Variants in COL4A5 observed in about 807,000 individuals in gnomAD.
COL4A5 encodes the protein collagen alpha-5(IV) chain.
In COL4A5, 26 loss-of-function variants were observed where a neutral mutation model predicts 130.2. That is an observed-to-expected ratio of 0.20 (90% confidence interval 0.15 to 0.28). COL4A5 has a LOEUF of 0.28. Ranked by LOEUF, COL4A5 falls within the 10% of genes least tolerant of loss-of-function variation. The pLI is 1.00. For synonymous variants in COL4A5, 496 were observed against 439.6 expected, an observed-to-expected ratio of 1.13 and a Z score of -1.60; for missense variants, 1,131 against 1,344.3, an observed-to-expected ratio of 0.84 and a Z score of 2.48.
At chrX:108,589,460 G>T (rs1603287103) in intron 19 of COL4A5, among the ~76,000 whole-genome samples, 1 of 110,578 alleles carries the variant, frequency 9.0e-6, no homozygotes, top group Admixed American at 9.6e-5. Flanking sequence ...CAACAAATTT[G>T]AAAGGACTAA....
At chrX:108,459,715 A>C (rs1484618725) in intron 1 of COL4A5, among the ~76,000 whole-genome samples, 1 of 112,262 alleles carries the variant, frequency 8.9e-6, no homozygotes, top group Non-Finnish European at 1.9e-5. Context: ...TCTAGCAGAC[A>C]GCCTTTCATT....
chrX:108,450,024 G>A (rs780356122), intron 1 of COL4A5, among the ~76,000 whole-genome samples: 29 of 111,575 alleles, frequency 2.6e-4, no homozygotes, highest in East Asian at 5.6e-4. Flanking sequence ...AGTTGTATTC[G>A]TCATACTCTC....
intron 1 of COL4A5, among the ~76,000 whole-genome samples, chrX:108,502,337 G>A (rs970316414): frequency 1.1e-4 from 12 of 111,491 alleles, no homozygotes; most frequent in Non-Finnish European, 2.3e-4. Context: ...CCAGGCTGCA[G>A]TGCAATGGCG....
At chrX:108,603,796 G>C (rs1373321212) in intron 28 of COL4A5, among the ~76,000 whole-genome samples, 2 of 112,142 alleles carry the variant, frequency 1.8e-5, no homozygotes, top group Non-Finnish European at 3.8e-5. Context: ...ATTGGAGTGA[G>C]TCTTCTCAGA....
intron 1 of COL4A5, among the ~76,000 whole-genome samples, chrX:108,508,977 A>G (rs1203901417): frequency 1.8e-5 from 2 of 112,273 alleles, no homozygotes; most frequent in African/African-American, 6.5e-5. Context: ...GATCTAGGCA[A>G]TACCAATCTG....
chrX:108,593,001 A>G (rs1044164603), intron 21 of COL4A5, among the ~76,000 whole-genome samples: 5 of 111,225 alleles, frequency 4.5e-5, no homozygotes, highest in African/African-American at 1.6e-4. Context: ...AGATATATCT[A>G]TGTTCTTGTT....
chrX:108,614,186 G>C (rs58849076), intron 29 of COL4A5, among the ~76,000 whole-genome samples: 11,680 of 111,775 alleles, frequency 0.1, 1,299 homozygotes, highest in African/African-American at 0.34. Flanking sequence ...CATACTATAT[G>C]ATTGCATTTG....
intron 28 of COL4A5, among the ~76,000 whole-genome samples, chrX:108,604,831 T>C (rs1193137177): frequency 8.9e-6 from 1 of 112,308 alleles, no homozygotes; most frequent in East Asian, 2.8e-4. Flanking sequence ...ATATCAAAAC[T>C]TGCTGCTTCA....
At position 108,597,195 on chromosome X, in the gene COL4A5, G is replaced by A. The variant is rs1603289995; in HGVS notation, c.1587+127G>A. On this transcript the variant is annotated intron_variant, in intron 23 of 52. Coordinates refer to ENST00000328300, the MANE Select transcript of COL4A5 (RefSeq NM_033380.3). ...TTTTCCATTAAGTTGTACTTTGTTT[G>A]ATTCCTTGACTCTTCCTGACTCACA... 6.5e-6 allele frequency: 5 copies of A among 769,073 alleles called. No homozygotes were observed. In the East Asian group the frequency reaches 1.7e-4, roughly 27 times the overall value. The allele number at this position is 769,073 out of a possible 1,213,427, so 63.4% of individuals were successfully genotyped here.
chrX:108,479,743 T>C lies in COL4A5; in HGVS notation c.81+39537T>C, dbSNP rs746528418. On this transcript the variant is annotated intron_variant, in intron 1 of 52. Coordinates refer to ENST00000328300, the MANE Select transcript of COL4A5 (RefSeq NM_033380.3). ...CTTCCATTTGATGATGGATTGCTGC[T>C]GTGCATGACCACTTTATGGCTAGAT... is the stretch of plus-strand genomic sequence containing the variant. 6.3e-5 allele frequency among the ~76,000 whole-genome samples: 7 copies of C among 111,982 alleles called. No individual in the cohort carries two copies. In the South Asian group the frequency reaches 2.6e-3, roughly 42 times the overall value.
chrX:108,501,526 C>T (rs968439172), intron 1 of COL4A5, among the ~76,000 whole-genome samples: 4 of 111,576 alleles, frequency 3.6e-5, no homozygotes, highest in African/African-American at 9.8e-5. Context: ...CCTAGGCAAC[C>T]GATTGCTGAA....
chrX:108,495,640 C>T (rs779514508), intron 1 of COL4A5, among the ~76,000 whole-genome samples: 11 of 111,658 alleles, frequency 9.9e-5, no homozygotes, highest in Non-Finnish European at 1.7e-4. Flanking sequence ...ATAGACCTCC[C>T]TGAATGGGCA....
chrX:108,472,275 G>A (rs2064780440), intron 1 of COL4A5, among the ~76,000 whole-genome samples: 1 of 111,454 alleles, frequency 9.0e-6, no homozygotes, highest in African/African-American at 3.3e-5. Context: ...GTGTCTTAGA[G>A]AATGTTACAT....
At chrX:108,495,258 A>T (rs763940210) in intron 1 of COL4A5, among the ~76,000 whole-genome samples, 1 of 111,412 alleles carries the variant, frequency 9.0e-6, no homozygotes, top group African/African-American at 3.3e-5. Context: ...AGAAAACAAT[A>T]AAACGTTTAG....
chrX:108,674,750 C>G lies in COL4A5; in HGVS notation c.3805C>G (p.Gln1269Glu). ...GTGAACTCTGATCTTCCCAGGTTTTCAAGGTTAGACTCTTCACTGGTCAAT... is the reference window on the plus strand; with the variant it reads ...GTGAACTCTGATCTTCCCAGGTTTTGAAGGTTAGACTCTTCACTGGTCAAT... ...PPGRPGPTGFQGLPGPEGPPG... is the reference protein window; with the variant it reads ...PPGRPGPTGFEGLPGPEGPPG... Residue 1269 changes from glutamine (Q) to glutamate (E), a missense_variant, in exon 43 of 53, where the codon CAA becomes GAA. Gln to Glu is a conservative substitution (Grantham distance 29, BLOSUM62 2). Coordinates refer to ENST00000328300, the MANE Select transcript of COL4A5 (RefSeq NM_033380.3). 1 of 1,155,200 alleles carries G rather than the reference C, an allele frequency of 8.7e-7. No homozygotes were observed. The highest frequency in any genetic ancestry group is 3.1e-5 in the East Asian group (1 of 32,295).
At chrX:108,514,122 A>G (rs1250052161) in intron 1 of COL4A5, among the ~76,000 whole-genome samples, 1 of 112,123 alleles carries the variant, frequency 8.9e-6, no homozygotes, top group Non-Finnish European at 1.9e-5. Flanking sequence ...CACCGTCTTA[A>G]TTACTGTACC....
chrX:108,546,432 T>C (rs1404442001), intron 2 of COL4A5, among the ~76,000 whole-genome samples: 1 of 112,158 alleles, frequency 8.9e-6, no homozygotes, highest in Non-Finnish European at 1.9e-5. Flanking sequence ...TGTTGAATAT[T>C]GGCCCCCACT....
chrX:108,473,633 A>ATATTTT lies in COL4A5; in HGVS notation c.81+33428_81+33429insATTTTT. 6.5e-3 allele frequency among the ~76,000 whole-genome samples: 225 copies of ATATTTT among 34,552 alleles called. 6 individuals carry two copies. The highest frequency in any genetic ancestry group is 0.021 in the African/African-American group (193 of 9,265). 30.0% of individuals were successfully genotyped at this position (34,552 alleles called of 115,157 possible). ...TATATGTATATATATATATATATAT[A>ATATTTT]TTTTTTTTTTTTTGAGATGAAGTCT... On this transcript the variant is annotated intron_variant, in intron 1 of 52. Coordinates refer to ENST00000328300, the MANE Select transcript of COL4A5 (RefSeq NM_033380.3).
chrX:108,558,583 T>G (rs1390285041), intron 2 of COL4A5, among the ~76,000 whole-genome samples: 1 of 112,092 alleles, frequency 8.9e-6, no homozygotes. Flanking sequence ...TTTTCTACAT[T>G]GAATATGTAT....
Sources: allele counts gnomAD v4.1 joint callset (sites outside exome capture counted in the v4.1 genomes callset), GRCh38; gene constraint gnomAD v4.1.1; transcripts MANE v1.5; gene names NCBI Gene and HGNC (gene_info 2026-07-23, HGNC 2026-07-21).